Variants in DIP2C observed in about 807,000 individuals in gnomAD.
The protein encoded by DIP2C is disco-interacting protein 2 homolog C.
A neutral mutation model predicts 192.4 loss-of-function variants in DIP2C; 33 were observed. The ratio of observed to expected loss-of-function variants is 0.17; its 90% CI spans 0.13 to 0.23. DIP2C has a LOEUF of 0.23. DIP2C is among the 10% of genes least tolerant of loss of function. The pLI, the probability that DIP2C is intolerant of heterozygous loss-of-function variation, is 1.00. For missense variants in DIP2C, 1,537 were observed against 2,110.1 expected (o/e 0.73, Z 5.32); for synonymous variants, 979 against 864.1 (o/e 1.13, Z -2.33).
chr10:501,272 T>A (rs1255900012), intron 1 of DIP2C, among the ~76,000 whole-genome samples: 1 of 152,210 alleles, frequency 6.6e-6, no homozygotes, highest in East Asian at 1.9e-4. Context: ...TGTGGAAACA[T>A]CCTTTCTAGA....
intron 1 of DIP2C, among the ~76,000 whole-genome samples, chr10:601,917 C>G (rs1852101594): frequency 6.6e-6 from 1 of 152,092 alleles, no homozygotes; most frequent in African/African-American, 2.4e-5. Flanking sequence ...GGCTAACACG[C>G]GTTTTGTTCT....
chr10:545,166 C>CTTTTTT lies in DIP2C; in HGVS notation c.86-58642_86-58637dup, dbSNP rs60185327. 3.9e-3 allele frequency among the ~76,000 whole-genome samples: 340 copies of CTTTTTT among 86,330 alleles called. 8 individuals are homozygous for CTTTTTT. Among genetic ancestry groups the CTTTTTT allele is most frequent in the African/African-American group, 0.015 (272 of 17,590 alleles). The allele number at this position is 86,330 out of a possible 152,430, so 56.6% of individuals were successfully genotyped here. On this transcript the variant is annotated intron_variant, in intron 1 of 36. Coordinates refer to ENST00000280886, the MANE Select transcript of DIP2C (RefSeq NM_014974.3). ...TGATCCAACATGACTGGTGTTTTCC[C>CTTTTTT]TTTTTTTTTTTTTTTTTTTTTTTGA...
chr10:330,978 ATTTTTTT>A (rs34830576), intron 29 of DIP2C, among the ~76,000 whole-genome samples: 4 of 100,348 alleles, frequency 4.0e-5, no homozygotes, highest in East Asian at 5.7e-4. Context: ...TGCCTGGCTA[ATTTTTTT>A]TTTTTTTTTT....
intron 17 of DIP2C, chr10:382,445 TA>T (rs1432696465): frequency 3.9e-6 from 2 of 508,462 alleles, no homozygotes; most frequent in Admixed American, 3.6e-5. Flanking sequence ...CAGAGAGCGA[TA>T]AATGTTTTTT....
intron 24 of DIP2C, among the ~76,000 whole-genome samples, chr10:351,750 T>TG (rs935060985): frequency 3.3e-5 from 5 of 152,202 alleles, no homozygotes; most frequent in African/African-American, 1.2e-4. Flanking sequence ...GAAACTGGAC[T>TG]GTTCCTCTGA....
At chr10:629,198 A>G (rs61833006) in intron 1 of DIP2C, among the ~76,000 whole-genome samples, 2,291 of 152,314 alleles carry the variant, frequency 0.015, 19 homozygotes, top group East Asian at 0.041. Flanking sequence ...GGCCCTGCAC[A>G]GGGCTACGGT....
At chr10:637,114 C>A (rs114507430) in intron 1 of DIP2C, among the ~76,000 whole-genome samples, 2,690 of 152,360 alleles carry the variant, frequency 0.018, 80 homozygotes, top group African/African-American at 0.061. Flanking sequence ...GTCCCACCTG[C>A]GTAAGATGGT....
At chr10:600,389 A>G (rs2131692932) in intron 1 of DIP2C, among the ~76,000 whole-genome samples, 1 of 149,000 alleles carries the variant, frequency 6.7e-6, no homozygotes, top group African/African-American at 2.5e-5. Flanking sequence ...GAATGTGGGA[A>G]CATGGAGGTG....
intron 1 of DIP2C, among the ~76,000 whole-genome samples, chr10:604,639 A>T (rs1032519400): frequency 6.6e-6 from 1 of 152,264 alleles, no homozygotes; most frequent in South Asian, 2.1e-4. Flanking sequence ...ATTACAAAAC[A>T]GCTTCTCTTG....
At chr10:587,276 G>C (rs949163597) in intron 1 of DIP2C, among the ~76,000 whole-genome samples, 1 of 152,274 alleles carries the variant, frequency 6.6e-6, no homozygotes, top group Non-Finnish European at 1.5e-5. Context: ...GGACCACCCA[G>C]GGTCCCGCTG....
chr10:337,694 CTG>C (rs1290027375), intron 29 of DIP2C, among the ~76,000 whole-genome samples: 4 of 53,618 alleles, frequency 7.5e-5, no homozygotes, highest in Non-Finnish European at 1.6e-4. Flanking sequence ...GCCTAGGCAG[CTG>C]TGTGTGTGTT....
chr10:375,853 G>A (rs563106181), intron 17 of DIP2C, among the ~76,000 whole-genome samples: 2 of 126,914 alleles, frequency 1.6e-5, no homozygotes, highest in South Asian at 6.1e-4. Context: ...CCTTAAGCAA[G>A]TGAGTCAACA....
At chr10:485,339 A>G (rs1252644025) in intron 2 of DIP2C, among the ~76,000 whole-genome samples, 1 of 152,218 alleles carries the variant, frequency 6.6e-6, no homozygotes, top group Non-Finnish European at 1.5e-5. Context: ...GAGGGGGCGC[A>G]GGCCATCAGG....
In DIP2C at chr10:472,530, C is replaced by A. The variant is rs755927736; in HGVS notation, c.177G>T (p.Pro59=). ...GAGTGACAGGAGCCCGGCGTTCTTG[C>A]GGCAAAGCTTGGTCCACCCCTGGAT... ...PQPPRVDQAL[P]QERRAPVTPS... Residue 59 remains proline (P), a synonymous_variant, in exon 3 of 37, where the codon CCG becomes CCT. Coordinates refer to ENST00000280886, the MANE Select transcript of DIP2C (RefSeq NM_014974.3). 1.6e-5 allele frequency: 26 copies of A among 1,614,000 alleles called. No homozygotes were observed. Among genetic ancestry groups the A allele is most frequent in the South Asian group, 1.1e-4 (10 of 91,084 alleles).
Position 533,439 on chromosome 10 carries a change from C to G in DIP2C, c.86-46909G>C, listed in dbSNP as rs567530335. Among the ~76,000 whole-genome samples the G allele has an allele frequency of 5.9e-5, 9 of 152,246 alleles. No individual in the cohort carries two copies. The South Asian group carries it at 1.7e-3, about 28-fold the overall frequency. ...GGGCAAACTAAACAAAGGCTTGTTT[C>G]TCTCAAGGACAAAGGTGCTCAAATC... On this transcript the variant is annotated intron_variant, in intron 1 of 36. Transcript: ENST00000280886.
At position 674,771 on chromosome 10, in the gene DIP2C, A is replaced by AATATATATATATATATATATAT. The variant is rs375454744; in HGVS notation, c.85+14722_85+14723insATATATATATATATATATATAT. ...GCAACAAAAGCAAAACTCCATCTCA[A>AATATATATATATATATATATAT]ATATATATATATATATATAGAGAGA... is the stretch of plus-strand genomic sequence containing the variant. On this transcript the variant is annotated intron_variant, in intron 1 of 36. Coordinates refer to ENST00000280886, the MANE Select transcript of DIP2C (RefSeq NM_014974.3). 9.0e-4 allele frequency among the ~76,000 whole-genome samples: 25 copies of AATATATATATATATATATATAT among 27,688 alleles called. 1 individual carries two copies. Among genetic ancestry groups the AATATATATATATATATATATAT allele is most frequent in the African/African-American group, 2.4e-3 (14 of 5,838 alleles). 18.2% of individuals were successfully genotyped at this position (27,688 alleles called of 152,430 possible).
chr10:575,644 C>T (rs1850102513), intron 1 of DIP2C, among the ~76,000 whole-genome samples: 1 of 152,178 alleles, frequency 6.6e-6, no homozygotes, highest in Admixed American at 6.5e-5. Flanking sequence ...GACATGACAT[C>T]CAAGAGCAGA....
At chr10:441,272 G>C (rs1967703404) in intron 3 of DIP2C, 2 of 363,288 alleles carry the variant, frequency 5.5e-6, no homozygotes, top group Non-Finnish European at 1.0e-5. Flanking sequence ...AGGGTGAATG[G>C]ACCTTGATCT....
chr10:686,460 C>T (rs1378579110), intron 1 of DIP2C, among the ~76,000 whole-genome samples: 3 of 152,142 alleles, frequency 2.0e-5, no homozygotes, highest in South Asian at 2.1e-4. Flanking sequence ...CCCGCACAAC[C>T]TCCCCACCCA....
Sources: allele counts gnomAD v4.1 joint callset (sites outside exome capture counted in the v4.1 genomes callset), GRCh38; gene constraint gnomAD v4.1.1; transcripts MANE v1.5; gene names NCBI Gene and HGNC (gene_info 2026-07-23, HGNC 2026-07-21).